Variants in COL14A1 observed in about 807,000 individuals in gnomAD.
COL14A1 encodes the protein collagen type XIV alpha 1 chain, also known as collagen alpha-1(XIV) chain.
In COL14A1, 136 loss-of-function variants were observed where a neutral mutation model predicts 230.3. The observed-to-expected ratio is 0.59, with a 90% CI of 0.51 to 0.68. The LOEUF (loss-of-function observed/expected upper bound fraction) is 0.68, where lower values mean the gene tolerates loss of function less well. Among genes scored for constraint, COL14A1 ranks in the 30% least tolerant of loss-of-function variants. The pLI is 0.00. For synonymous variants in COL14A1, 792 were observed against 784.1 expected, an observed-to-expected ratio of 1.01 and a Z score of -0.17; for missense variants, 1,976 against 2,215.8, an observed-to-expected ratio of 0.89 and a Z score of 2.17.
At chr8:120,304,515 T>C (rs1336891829) in intron 36 of COL14A1, among the ~76,000 whole-genome samples, 1 of 152,214 alleles carries the variant, frequency 6.6e-6, no homozygotes, top group Non-Finnish European at 1.5e-5. Context: ...CCTGAGATTA[T>C]GTTAAAATGT....
intron 1 of COL14A1, among the ~76,000 whole-genome samples, chr8:120,145,839 GTCA>G (rs1166183595): frequency 4.6e-5 from 7 of 152,160 alleles, no homozygotes; most frequent in Admixed American, 4.6e-4. Context: ...GGCATTTACT[GTCA>G]TCAGAATACA....
intron 28 of COL14A1, among the ~76,000 whole-genome samples, chr8:120,279,679 G>A (rs184260189): frequency 2.2e-4 from 34 of 151,984 alleles, no homozygotes; most frequent in South Asian, 1.0e-3. Context: ...AAACTACTTC[G>A]TCTCAGGCAC....
intron 45 of COL14A1, among the ~76,000 whole-genome samples, chr8:120,353,475 T>A (rs1421128596): frequency 1.5e-5 from 2 of 132,674 alleles, no homozygotes; most frequent in African/African-American, 5.9e-5. Context: ...GGGAGAAAAT[T>A]TTCGCAACCT....
chr8:120,143,818 T>C (rs1297565815), intron 1 of COL14A1, among the ~76,000 whole-genome samples: 6 of 151,900 alleles, frequency 3.9e-5, no homozygotes, highest in African/African-American at 1.5e-4. Flanking sequence ...GATCTTGAAA[T>C]GGTAATAGTA....
chr8:120,176,907 A>G (rs1204168814), intron 5 of COL14A1, among the ~76,000 whole-genome samples: 1 of 151,868 alleles, frequency 6.6e-6, no homozygotes, highest in Admixed American at 6.6e-5. Context: ...TATAATTATT[A>G]TTATCTAGAT....
At chr8:120,309,866 A>T in intron 36 of COL14A1, 143 bp from the exon 37 acceptor site, 5 of 614,894 alleles carry the variant, frequency 8.1e-6, no homozygotes, top group Non-Finnish European at 1.0e-5. Context: ...CCAGTTAAGG[A>T]TCATGATGAA....
intron 45 of COL14A1, among the ~76,000 whole-genome samples, chr8:120,355,540 G>A (rs1822950786): frequency 6.6e-6 from 1 of 151,624 alleles, no homozygotes; most frequent in African/African-American, 2.4e-5. Context: ...AGCTTCCCAA[G>A]TAGCTGGGAC....
At position 120,269,662 on chromosome 8, in the gene COL14A1, C is replaced by T. The variant is rs371773780; in HGVS notation, c.3074-373C>T. 1.1e-4 allele frequency among the ~76,000 whole-genome samples: 17 copies of T among 151,838 alleles called. No individual in the cohort carries two copies. The East Asian group carries it at 2.5e-3, about 22-fold the overall frequency. ...CAGGGTGCACAGAGTGATAGTATGT[C>T]CTTTTTTCCAATCAGTTGGCACTAG... is the stretch of plus-strand genomic sequence containing the variant. On this transcript the variant is annotated intron_variant, in intron 25 of 47. Coordinates refer to ENST00000297848, the MANE Select transcript of COL14A1 (RefSeq NM_021110.4).
At chr8:120,145,845 A>G (rs1354480251) in intron 1 of COL14A1, among the ~76,000 whole-genome samples, 1 of 152,250 alleles carries the variant, frequency 6.6e-6, no homozygotes, top group African/African-American at 2.4e-5. Context: ...TACTGTCATC[A>G]GAATACACTT....
intron 36 of COL14A1, among the ~76,000 whole-genome samples, chr8:120,307,330 C>T (rs1820885314): frequency 6.6e-6 from 1 of 152,136 alleles, no homozygotes. Flanking sequence ...ATATATGGCA[C>T]TTGATAGTGG....
chr8:120,151,256 G>A (rs1442309514), intron 2 of COL14A1, among the ~76,000 whole-genome samples: 1 of 152,066 alleles, frequency 6.6e-6, no homozygotes, highest in Non-Finnish European at 1.5e-5. Flanking sequence ...TTGCTTTATT[G>A]GATTGATTTT....
chr8:120,131,033 C>T (rs968716546), intron 1 of COL14A1, among the ~76,000 whole-genome samples: 6 of 152,012 alleles, frequency 3.9e-5, no homozygotes, highest in African/African-American at 7.2e-5. Flanking sequence ...TCCATGTTGC[C>T]GCAAAGGACA....
intron 42 of COL14A1, among the ~76,000 whole-genome samples, chr8:120,339,406 T>C (rs1226120765): frequency 6.6e-6 from 1 of 152,240 alleles, no homozygotes; most frequent in African/African-American, 2.4e-5. Flanking sequence ...TTTGTGAGGA[T>C]CTTCTTTCTC....
chr8:120,131,188 A>G (rs1814513408), intron 1 of COL14A1, among the ~76,000 whole-genome samples: 1 of 152,140 alleles, frequency 6.6e-6, no homozygotes, highest in South Asian at 2.1e-4. Flanking sequence ...ATAGGAGTGC[A>G]TGTGTCTTTT....
At chr8:120,191,674 G>T (rs1189234950) in intron 5 of COL14A1, among the ~76,000 whole-genome samples, 3 of 151,364 alleles carry the variant, frequency 2.0e-5, no homozygotes, top group Non-Finnish European at 1.5e-5. Context: ...TATTGTGTGG[G>T]AGTCTAAGTC....
chr8:120,189,170 G>T (rs969422053), intron 5 of COL14A1, among the ~76,000 whole-genome samples: 2 of 152,144 alleles, frequency 1.3e-5, no homozygotes, highest in African/African-American at 4.8e-5. Context: ...TTACCTCTTT[G>T]TACCAAGTAT....
intron 46 of COL14A1, 46 bp downstream of exon 46, chr8:120,367,294 A>T (rs1390622088): frequency 6.7e-7 from 1 of 1,491,596 alleles, no homozygotes; most frequent in African/African-American, 1.4e-5. Flanking sequence ...ATATTTTTAT[A>T]TTCACTTGGC....
chr8:120,289,051 T>C (rs1481934258), intron 33 of COL14A1, among the ~76,000 whole-genome samples: 1 of 152,122 alleles, frequency 6.6e-6, no homozygotes, highest in Non-Finnish European at 1.5e-5. Flanking sequence ...GAGATTCTAG[T>C]TTGAGAAAAA....
chr8:120,143,025 T>G (rs543843651), intron 1 of COL14A1, among the ~76,000 whole-genome samples: 1 of 152,232 alleles, frequency 6.6e-6, no homozygotes, highest in Non-Finnish European at 1.5e-5. Flanking sequence ...GCTTTTGCAC[T>G]TAAAGCTACT....
Sources: gnomAD v4.1 joint callset for allele counts (sites outside exome capture counted in the v4.1 genomes callset) on GRCh38, gnomAD v4.1.1 for gene constraint, MANE v1.5 for transcripts, NCBI Gene and HGNC (gene_info 2026-07-23, HGNC 2026-07-21) for gene names.